CEP112: variants seen among roughly 807,000 people sequenced by gnomAD.
CEP112 encodes the protein centrosomal protein 112, also known as centrosomal protein of 112 kDa.
Under a neutral mutation model 153.0 loss-of-function variants are expected in CEP112, and 127 were observed. That is an observed-to-expected ratio of 0.83 (90% confidence interval 0.72 to 0.96). CEP112 has a LOEUF of 0.96. Among genes scored for constraint, CEP112 ranks in the 40% least tolerant of loss-of-function variants. CEP112 has a pLI of 0.00. For missense variants in CEP112, 1,089 were observed against 1,101.2 expected, an observed-to-expected ratio of 0.99 and a Z score of 0.16; for synonymous variants, 358 against 374.4, an observed-to-expected ratio of 0.96 and a Z score of 0.51.
At chr17:65,702,421 T>C (rs1359986388) in intron 23 of CEP112, among the ~76,000 whole-genome samples, 3 of 152,184 alleles carry the variant, frequency 2.0e-5, no homozygotes, top group Non-Finnish European at 4.4e-5. Context: ...GGAATCCCCA[T>C]TTATCTGTGG....
intron 17 of CEP112, among the ~76,000 whole-genome samples, chr17:65,968,086 T>G (rs1344404643): frequency 6.6e-6 from 1 of 152,192 alleles, no homozygotes; most frequent in Admixed American, 6.5e-5. Flanking sequence ...ACAGATGTAG[T>G]ATTATATCAG....
At chr17:66,171,054 C>T in intron 4 of CEP112, among the ~76,000 whole-genome samples, 1 of 152,082 alleles carries the variant, frequency 6.6e-6, no homozygotes, top group East Asian at 1.9e-4. Flanking sequence ...AGTATGACCT[C>T]ACCATACTTC....
Position 65,907,764 on chromosome 17 carries a change from C to T in CEP112, c.1981-5430G>A, listed in dbSNP as rs1192440471. Among the ~76,000 whole-genome samples the T allele has an allele frequency of 2.6e-5, 4 of 152,142 alleles. No individual in the cohort carries two copies. The East Asian group carries it at 7.7e-4, about 29-fold the overall frequency. On this transcript the variant is annotated intron_variant, in intron 19 of 26. Transcript: ENST00000535342. Reference sequence around the variant, plus strand: ...ATGTAAATAAAAAGTTTTACTGGTGCCTAGCCCCATCCATGTAAATAAATG... The same window carrying T: ...ATGTAAATAAAAAGTTTTACTGGTGTCTAGCCCCATCCATGTAAATAAATG...
intron 18 of CEP112, among the ~76,000 whole-genome samples, chr17:65,952,339 G>A (rs189878248): frequency 6.6e-6 from 1 of 152,088 alleles, no homozygotes; most frequent in East Asian, 1.9e-4. Flanking sequence ...AAAGAACTGG[G>A]AATTCTAACA....
At chr17:66,165,821 AATGC>A (rs2071931094) in intron 4 of CEP112, among the ~76,000 whole-genome samples, 1 of 152,150 alleles carries the variant, frequency 6.6e-6, no homozygotes, top group African/African-American at 2.4e-5. Flanking sequence ...TTTTTGCCAC[AATGC>A]ATTCCTGGAA....
At chr17:65,981,556 C>G (rs1003711323) in intron 17 of CEP112, among the ~76,000 whole-genome samples, 1 of 143,234 alleles carries the variant, frequency 7.0e-6, no homozygotes, top group Non-Finnish European at 1.5e-5. Context: ...GATCTTTTCT[C>G]AGTCGTGGTT....
At chr17:65,696,877 G>T (rs1400297612) in intron 23 of CEP112, among the ~76,000 whole-genome samples, 5 of 152,110 alleles carry the variant, frequency 3.3e-5, no homozygotes, top group Admixed American at 3.3e-4. Flanking sequence ...CACGAGGCTT[G>T]AATTTACTAT....
At chr17:65,985,999 A>G (rs9303498) in intron 17 of CEP112, among the ~76,000 whole-genome samples, 88,853 of 151,848 alleles carry the variant, frequency 0.59, 27,386 homozygotes, top group African/African-American at 0.72. Context: ...TCCTAAACTT[A>G]TCCATTATGC....
chr17:65,687,171 T>A (rs952239304), intron 24 of CEP112, among the ~76,000 whole-genome samples: 17 of 142,316 alleles, frequency 1.2e-4, no homozygotes, highest in Admixed American at 4.2e-4. Context: ...TTTTTTTTTT[T>A]TTTTTTTTTT....
At position 66,082,944 on chromosome 17, in the gene CEP112, C is replaced by A. The variant is rs117401200; in HGVS notation, c.769-12943G>T. 5.8e-3 allele frequency among the ~76,000 whole-genome samples: 883 copies of A among 151,948 alleles called. 5 individuals carry two copies. Among genetic ancestry groups the A allele is most frequent in the Non-Finnish European group, 8.1e-3 (551 of 67,990 alleles). On this transcript the variant is annotated intron_variant, in intron 8 of 26. Coordinates refer to ENST00000535342, the MANE Select transcript of CEP112 (RefSeq NM_001199165.4). ...TTTACTCATGTTAACATCTAAGTAT[C>A]TTCTGAACAATATGAATTTAAAATG...
chr17:65,795,476 C>T (rs891104702), intron 21 of CEP112, among the ~76,000 whole-genome samples: 6 of 152,102 alleles, frequency 3.9e-5, no homozygotes, highest in African/African-American at 1.4e-4. Flanking sequence ...CTAGACTACC[C>T]CTGGTTTCTT....
intron 4 of CEP112, 129 bp from the exon 5 acceptor site, chr17:66,132,892 G>C: frequency 1.4e-6 from 1 of 691,370 alleles, no homozygotes; most frequent in East Asian, 2.8e-5. Flanking sequence ...ATGTTCCATA[G>C]CCGGGCGTGG....
chr17:65,911,222 G>A (rs1671096524), intron 19 of CEP112, among the ~76,000 whole-genome samples: 1 of 152,122 alleles, frequency 6.6e-6, no homozygotes, highest in Non-Finnish European at 1.5e-5. Context: ...AAATCCTGGT[G>A]GTGAGCACAT....
intron 21 of CEP112, among the ~76,000 whole-genome samples, chr17:65,843,312 T>C (rs1427520631): frequency 6.6e-6 from 1 of 152,170 alleles, no homozygotes; most frequent in Non-Finnish European, 1.5e-5. Flanking sequence ...ATGACAACTT[T>C]AGGTTCACCA....
chr17:66,100,515 T>C (rs1455657212), intron 6 of CEP112, among the ~76,000 whole-genome samples: 3 of 147,518 alleles, frequency 2.0e-5, no homozygotes, highest in South Asian at 4.3e-4. Context: ...AAAACTGACA[T>C]AAAAACGTGT....
intron 24 of CEP112, among the ~76,000 whole-genome samples, chr17:65,662,781 T>C (rs2046457615): frequency 6.6e-6 from 1 of 152,110 alleles, no homozygotes; most frequent in Non-Finnish European, 1.5e-5. Context: ...CTCTTCATGT[T>C]TATTGGCCCA....
At chr17:65,978,428 C>G (rs1457323803) in intron 17 of CEP112, among the ~76,000 whole-genome samples, 1 of 152,166 alleles carries the variant, frequency 6.6e-6, no homozygotes, top group African/African-American at 2.4e-5. Context: ...GGAGCAAGGC[C>G]CAGCTCGGTC....
intron 23 of CEP112, among the ~76,000 whole-genome samples, chr17:65,721,301 C>T (rs770264200): frequency 3.3e-5 from 5 of 152,124 alleles, no homozygotes; most frequent in South Asian, 2.1e-4. Context: ...TGAGCCACCG[C>T]GCCCAGGCTT....
At chr17:65,959,139 C>T (rs2062105788) in intron 18 of CEP112, among the ~76,000 whole-genome samples, 1 of 152,070 alleles carries the variant, frequency 6.6e-6, no homozygotes, top group African/African-American at 2.4e-5. Flanking sequence ...ATGGCCTCCT[C>T]TCTACTGAGA....
Sources: gnomAD v4.1 joint callset for allele counts (sites outside exome capture counted in the v4.1 genomes callset) on GRCh38, gnomAD v4.1.1 for gene constraint, MANE v1.5 for transcripts, NCBI Gene and HGNC (gene_info 2026-07-23, HGNC 2026-07-21) for gene names.